Variants in STK3 observed in about 807,000 individuals in gnomAD.
STK3 encodes the protein serine/threonine kinase 3.
A neutral mutation model predicts 58.0 loss-of-function variants in STK3; 41 were observed. The observed-to-expected ratio is 0.71, with a 90% CI of 0.55 to 0.92. The LOEUF is 0.92. Among genes scored for constraint, STK3 ranks in the 40% least tolerant of loss-of-function variants. The probability of loss-of-function intolerance (pLI) is 0.00; values close to 1 mark genes in which losing one functional copy is unlikely to be tolerated. For missense variants in STK3, 479 were observed against 602.7 expected, an observed-to-expected ratio of 0.79 and a Z score of 2.15; for synonymous variants, 170 against 191.0, an observed-to-expected ratio of 0.89 and a Z score of 0.91.
At chr8:98,358,344 T>C in the STK3 span, among the ~76,000 whole-genome samples, 2 of 152,128 alleles carry the variant, frequency 1.3e-5, no homozygotes, top group East Asian at 3.9e-4. Flanking sequence ...AATAAAAACA[T>C]GCTGCAGTTT....
At chr8:98,388,427 T>C (rs1280722251), upstream of STK3, among the ~76,000 whole-genome samples, 1 of 152,170 alleles carries the variant, frequency 6.6e-6, no homozygotes, top group African/African-American at 2.4e-5. Flanking sequence ...AATGTTAAGA[T>C]GATGAAAAGA....
At position 98,490,765 on chromosome 8, in the gene STK3, T is replaced by A. The variant is rs1014915897; in HGVS notation, c.1318-34765A>T. Among the ~76,000 whole-genome samples the A allele has an allele frequency of 3.9e-5, 6 of 152,262 alleles. No individual in the cohort carries two copies. The South Asian group carries it at 6.2e-4, about 16-fold the overall frequency. ...CACAAACCATTTACAAGTCAGAAATTCCCTGTTCGTGGGGGTGCGAATCTA... is the reference window on the plus strand; with the variant it reads ...CACAAACCATTTACAAGTCAGAAATACCCTGTTCGTGGGGGTGCGAATCTA... On this transcript the variant is annotated intron_variant, in intron 10 of 10. Transcript: ENST00000419617.
At chr8:98,384,565 T>TGGAA (rs1164410265) in intron 1 of STK3, among the ~76,000 whole-genome samples, 1 of 152,186 alleles carries the variant, frequency 6.6e-6, no homozygotes, top group Non-Finnish European at 1.5e-5. Flanking sequence ...TCCTACCTCC[T>TGGAA]ACATGGGGAA....
intron 6 of STK3, among the ~76,000 whole-genome samples, chr8:98,600,987 T>C (rs755448989): frequency 9.2e-5 from 14 of 152,192 alleles, no homozygotes; most frequent in Non-Finnish European, 1.9e-4. Context: ...TACAAGATTG[T>C]ATAAGTGTCT....
chr8:98,865,912 C>T (rs1837121470), intron 3 of STK3, among the ~76,000 whole-genome samples: 1 of 152,254 alleles, frequency 6.6e-6, no homozygotes. Context: ...ACACATGGGG[C>T]TGCCCCAGAC....
At chr8:98,550,083 C>T (rs1811041161) in intron 8 of STK3, among the ~76,000 whole-genome samples, 1 of 150,678 alleles carries the variant, frequency 6.6e-6, no homozygotes, top group East Asian at 1.9e-4. Context: ...ATATTTATTC[C>T]ATTTTTAGTA....
chr8:98,587,705 G>T (rs1814781146), intron 7 of STK3, among the ~76,000 whole-genome samples: 1 of 152,042 alleles, frequency 6.6e-6, no homozygotes, highest in Non-Finnish European at 1.5e-5. Context: ...GGGTGTTAAA[G>T]TCTCCCATTA....
chr8:98,746,220 C>T (rs1041652659), intron 4 of STK3, among the ~76,000 whole-genome samples: 3 of 152,114 alleles, frequency 2.0e-5, no homozygotes, highest in African/African-American at 4.8e-5. Flanking sequence ...AAGTAAAATA[C>T]GTCAACATTC....
At chr8:98,565,850 T>C (rs998507210) in intron 8 of STK3, among the ~76,000 whole-genome samples, 10 of 152,304 alleles carry the variant, frequency 6.6e-5, no homozygotes, top group Non-Finnish European at 1.0e-4. Context: ...GATTTGGGAA[T>C]ATCTTCCACT....
At chr8:98,704,291 A>G (rs1160044354) in intron 6 of STK3, among the ~76,000 whole-genome samples, 1 of 152,206 alleles carries the variant, frequency 6.6e-6, no homozygotes, top group African/African-American at 2.4e-5. Flanking sequence ...ACAGCTTCCA[A>G]TACTTGCAGT....
chr8:98,411,034 C>T (rs963922525), intron 3 of STK3, among the ~76,000 whole-genome samples: 1 of 152,172 alleles, frequency 6.6e-6, no homozygotes. Flanking sequence ...CAATTGGTTT[C>T]AACACTTAGA....
At chr8:98,692,661 G>A (rs1466000132) in intron 6 of STK3, among the ~76,000 whole-genome samples, 4 of 152,022 alleles carry the variant, frequency 2.6e-5, no homozygotes, top group African/African-American at 9.7e-5. Context: ...GCACAATAAT[G>A]TAAATGTACT....
intron 1 of STK3, among the ~76,000 whole-genome samples, chr8:98,810,849 G>C (rs1295856210): frequency 6.6e-6 from 1 of 152,138 alleles, no homozygotes; most frequent in Non-Finnish European, 1.5e-5. Context: ...CGATGAGTGA[G>C]TTCTCACTCT....
At chr8:98,649,537 T>G (rs923231622) in intron 6 of STK3, among the ~76,000 whole-genome samples, 1 of 152,326 alleles carries the variant, frequency 6.6e-6, no homozygotes, top group Middle Eastern at 3.4e-3. Flanking sequence ...GATGAACAGA[T>G]AATTCCAAAT....
At chr8:98,490,504 A>C (rs1822603865) in intron 10 of STK3, among the ~76,000 whole-genome samples, 2 of 152,152 alleles carry the variant, frequency 1.3e-5, no homozygotes, top group Admixed American at 6.5e-5. Context: ...TAACCCATAA[A>C]ACAGCTGCAT....
chr8:98,673,793 TAAAA>T, intron 6 of STK3, among the ~76,000 whole-genome samples: 1 of 151,958 alleles, frequency 6.6e-6, no homozygotes, highest in Non-Finnish European at 1.5e-5. Flanking sequence ...AAAAAAGAAA[TAAAA>T]AACAATTTAT....
intron 4 of STK3, among the ~76,000 whole-genome samples, chr8:98,740,368 G>A (rs533643824): frequency 1.3e-5 from 2 of 152,328 alleles, no homozygotes; most frequent in East Asian, 3.9e-4. Context: ...CCCACAAAGG[G>A]AAGCCCATCA....
In STK3 at chr8:98,722,517, C is replaced by A. The variant is rs571984155; in HGVS notation, c.352-15206G>T. ...CTGATCTAGATGTTTATATCATGCT[C>A]ATTTCATGTCATTTGGACATATGTT... On this transcript the variant is annotated intron_variant, in intron 4 of 10. Coordinates refer to ENST00000419617, the MANE Select transcript of STK3 (RefSeq NM_006281.4). Among the ~76,000 whole-genome samples, 3 of 152,192 alleles carry A rather than the reference C, an allele frequency of 2.0e-5. No individual in the cohort carries two copies. In the East Asian group the frequency reaches 5.8e-4, roughly 29 times the overall value.
At position 98,699,275 on chromosome 8, in the gene STK3, C is replaced by G. The variant is rs576919505; in HGVS notation, c.684+7192G>C. On this transcript the variant is annotated intron_variant, in intron 6 of 10. Transcript: ENST00000419617. ...GTTATACATTCTTCTAAATTTTTTTCAAAGTTTTCAACTTCTTTGCCTTTG... is the reference window on the plus strand; with the variant it reads ...GTTATACATTCTTCTAAATTTTTTTGAAAGTTTTCAACTTCTTTGCCTTTG... 1.6e-4 allele frequency among the ~76,000 whole-genome samples: 25 copies of G among 152,206 alleles called. No homozygotes were observed. The East Asian group carries it at 4.2e-3, about 26-fold the overall frequency.
Sources: allele counts gnomAD v4.1 joint callset (sites outside exome capture counted in the v4.1 genomes callset), GRCh38; gene constraint gnomAD v4.1.1; transcripts MANE v1.5; gene names NCBI Gene and HGNC (gene_info 2026-07-23, HGNC 2026-07-21).